TTC28: variants seen among roughly 807,000 people sequenced by gnomAD.
The protein encoded by TTC28 is tetratricopeptide repeat protein 28.
TTC28 carries 61 observed loss-of-function variants against 198.0 expected under a neutral mutation model. That is an observed-to-expected ratio of 0.31 (90% CI 0.25 to 0.38). The LOEUF is 0.38. TTC28 is among the 10% of genes least tolerant of loss of function. The pLI is 1.00. For synonymous variants in TTC28, 1,171 were observed against 1,297.8 expected, an observed-to-expected ratio of 0.90 and a Z score of 2.10; for missense variants, 2,678 against 3,164.0, an observed-to-expected ratio of 0.85 and a Z score of 3.69.
At position 28,107,114 on chromosome 22, in the gene TTC28, T is replaced by C; in HGVS notation, c.2731A>G (p.Asn911Asp). ...EQYLSVAQSL[N>D]RMQDQAKAYR... is the part of the protein sequence containing the mutation. ...GCCTTGGCTTGGTCTTGCATGCGAT[T>C]CAGACTCTGCGCGACAGATAAATAT... Residue 911 changes from asparagine to aspartate, a missense_variant, in exon 7 of 23, where the codon AAT (asparagine) becomes GAT (aspartate). Physicochemically the swap from Asn to Asp is conservative, Grantham distance 23. This residue lies in a region of TTC28 where 775 missense variants were observed against 845.9 expected (regional missense o/e 0.92). Transcript: ENST00000397906. 6.4e-7 allele frequency: 1 copy of C among 1,551,738 alleles called. No individual in the cohort carries two copies. Among genetic ancestry groups the C allele is most frequent in the Non-Finnish European group, 8.7e-7 (1 of 1,146,990 alleles).
chr22:28,538,556 C>CTTTTT lies in TTC28; in HGVS notation c.381+90991_381+90995dup, dbSNP rs753754141. ...ACTGAATTCCCTTTAGCACCTTTCTCTTTTTTTTTTTTTTTTTTTTTGAGA... is the reference window on the plus strand; with the variant it reads ...ACTGAATTCCCTTTAGCACCTTTCTCTTTTTTTTTTTTTTTTTTTTTTTTTTGAGA... On this transcript the variant is annotated intron_variant, in intron 2 of 22. Transcript: ENST00000397906. Among the ~76,000 whole-genome samples, 30 of 109,534 alleles carry CTTTTT rather than the reference C, an allele frequency of 2.7e-4. 1 individual carries two copies. Among genetic ancestry groups the CTTTTT allele is most frequent in the African/African-American group, 1.0e-3 (29 of 28,846 alleles). The allele number at this position is 109,534 out of a possible 152,430, so 71.9% of individuals were successfully genotyped here.
intron 2 of TTC28, among the ~76,000 whole-genome samples, chr22:28,326,284 T>C (rs2045528862): frequency 6.6e-6 from 1 of 152,092 alleles, no homozygotes; most frequent in African/African-American, 2.4e-5. Context: ...GTATAGCAAT[T>C]AGTTGTTGCC....
chr22:27,997,634 A>G (rs2146537808), intron 16 of TTC28: 1 of 152,366 alleles, frequency 6.6e-6, no homozygotes, highest in African/African-American at 2.4e-5. Context: ...GTTGTGGCCG[A>G]TGTTACCCAT....
intron 5 of TTC28, among the ~76,000 whole-genome samples, chr22:28,238,251 G>C (rs1163886943): frequency 6.6e-6 from 1 of 152,076 alleles, no homozygotes; most frequent in African/African-American, 2.4e-5. Context: ...GATCACTGAG[G>C]TTTTATTAAT....
chr22:28,418,716 A>G (rs1427052285), intron 2 of TTC28, among the ~76,000 whole-genome samples: 2 of 152,216 alleles, frequency 1.3e-5, no homozygotes, highest in Admixed American at 1.3e-4. Context: ...TATCTATTTA[A>G]CAAATATTTA....
At chr22:27,990,036 C>A in intron 20 of TTC28, 29 bp from the exon 21 acceptor site, 1 of 1,539,346 alleles carries the variant, frequency 6.5e-7, no homozygotes, top group South Asian at 1.2e-5. Context: ...CGTGAGCACC[C>A]TGTGTCTCCT....
intron 5 of TTC28, among the ~76,000 whole-genome samples, chr22:28,226,289 T>G (rs899155658): frequency 6.6e-6 from 1 of 152,202 alleles, no homozygotes; most frequent in Non-Finnish European, 1.5e-5. Context: ...TTCTTCCATA[T>G]CCTTGTCAAA....
intron 6 of TTC28, among the ~76,000 whole-genome samples, chr22:28,148,592 G>A (rs544067105): frequency 5.6e-5 from 8 of 143,436 alleles, no homozygotes; most frequent in Middle Eastern, 3.6e-3. Flanking sequence ...CAGCCTGGGC[G>A]ACAGAATGAG....
intron 2 of TTC28, among the ~76,000 whole-genome samples, chr22:28,600,332 G>A (rs2050619025): frequency 6.6e-6 from 1 of 152,086 alleles, no homozygotes; most frequent in African/African-American, 2.4e-5. Flanking sequence ...TTGAGCCCAG[G>A]AGGTTGAGGC....
chr22:28,402,607 G>T (rs773987879), intron 2 of TTC28, among the ~76,000 whole-genome samples: 39 of 152,074 alleles, frequency 2.6e-4, no homozygotes, highest in Non-Finnish European at 1.2e-4. Context: ...GTATAGAACT[G>T]AGCAGCACAT....
intron 2 of TTC28, among the ~76,000 whole-genome samples, chr22:28,597,452 G>A (rs970173308): frequency 6.6e-6 from 1 of 152,070 alleles, no homozygotes; most frequent in Non-Finnish European, 1.5e-5. Flanking sequence ...AAGAAACTAT[G>A]CACGTAAGCA....
intron 2 of TTC28, among the ~76,000 whole-genome samples, chr22:28,571,403 A>G (rs2050057681): frequency 6.6e-6 from 1 of 152,242 alleles, no homozygotes; most frequent in African/African-American, 2.4e-5. Flanking sequence ...AAGACAAATT[A>G]TTAAGAATAT....
intron 2 of TTC28, among the ~76,000 whole-genome samples, chr22:28,530,416 G>C (rs1822996834): frequency 6.6e-6 from 1 of 152,206 alleles, no homozygotes; most frequent in Non-Finnish European, 1.5e-5. Flanking sequence ...TATGTGAAAA[G>C]ACCAAATCTA....
At chr22:28,018,306 C>CAG (rs1555903346) in intron 13 of TTC28, among the ~76,000 whole-genome samples, 1 of 49,194 alleles carries the variant, frequency 2.0e-5, no homozygotes. Flanking sequence ...TGTGCGCGCG[C>CAG]GGGGGGGGGG....
At chr22:27,985,774 TGGTGA>T (rs1937189261) in intron 21 of TTC28, 1 of 159,984 alleles carries the variant, frequency 6.3e-6, no homozygotes, top group Admixed American at 6.1e-5. Context: ...AGCTGGTGCA[TGGTGA>T]GGTGAAGTTT....
intron 2 of TTC28, among the ~76,000 whole-genome samples, chr22:28,333,126 AAC>A (rs2045642668): frequency 6.6e-6 from 1 of 152,146 alleles, no homozygotes; most frequent in South Asian, 2.1e-4. Flanking sequence ...ACAAAACTAA[AAC>A]AATTTTAAAT....
chr22:27,991,802 C>G (rs542641774), intron 19 of TTC28, among the ~76,000 whole-genome samples: 1 of 152,322 alleles, frequency 6.6e-6, no homozygotes, highest in Non-Finnish European at 1.5e-5. Flanking sequence ...CCAGGCCAAG[C>G]TGCAAAGGAC....
intron 2 of TTC28, among the ~76,000 whole-genome samples, chr22:28,423,414 A>AAAAAAGG (rs2047294301): frequency 6.6e-6 from 1 of 152,098 alleles, no homozygotes; most frequent in African/African-American, 2.4e-5. Context: ...AAGAAAAAAG[A>AAAAAAGG]AAACAACAAC....
At chr22:28,669,562 G>A (rs2051845030) in intron 1 of TTC28, among the ~76,000 whole-genome samples, 1 of 152,128 alleles carries the variant, frequency 6.6e-6, no homozygotes, top group African/African-American at 2.4e-5. Context: ...TAGAGAACTG[G>A]TCAAAGGGAA....
Sources: gnomAD v4.1 joint callset for allele counts (sites outside exome capture counted in the v4.1 genomes callset) on GRCh38, gnomAD v4.1.1 for gene constraint, gnomAD v4.1.1 regional missense constraint, MANE v1.5 for transcripts, NCBI Gene and HGNC (gene_info 2026-07-23, HGNC 2026-07-21) for gene names.